LRRTM4: variants seen among roughly 807,000 people sequenced by gnomAD.
The protein encoded by LRRTM4 is leucine rich repeat transmembrane neuronal 4.
Under a neutral mutation model 47.6 loss-of-function variants are expected in LRRTM4, and 25 were observed. That is an observed-to-expected ratio of 0.53 (90% CI 0.38 to 0.73). The LOEUF (loss-of-function observed/expected upper bound fraction) is 0.73. Ranked by LOEUF, LRRTM4 falls within the 30% of genes least tolerant of loss-of-function variation. The pLI, the probability that LRRTM4 is intolerant of heterozygous loss-of-function variation, is 0.00. For synonymous variants in LRRTM4, 311 were observed against 269.5 expected, an observed-to-expected ratio of 1.15 and a Z score of -1.51; for missense variants, 638 against 713.4, an observed-to-expected ratio of 0.89 and a Z score of 1.20.
chr2:77,287,328 T>C (rs1284752464), intron 3 of LRRTM4, among the ~76,000 whole-genome samples: 2 of 152,078 alleles, frequency 1.3e-5, no homozygotes, highest in South Asian at 2.1e-4. Context: ...CAACAGGAAT[T>C]ATAGTAAAAA....
At chr2:77,050,117 T>C (rs1679379640) in intron 3 of LRRTM4, among the ~76,000 whole-genome samples, 1 of 150,088 alleles carries the variant, frequency 6.7e-6, no homozygotes, top group Non-Finnish European at 1.5e-5. Flanking sequence ...TGTGTTTTGT[T>C]AGAACCAAGT....
chr2:77,205,425 C>T (rs184941428), intron 3 of LRRTM4, among the ~76,000 whole-genome samples: 2 of 152,252 alleles, frequency 1.3e-5, no homozygotes, highest in East Asian at 1.9e-4. Context: ...GAGGACATGG[C>T]ATCTTTCAGA....
chr2:76,970,213 T>C (rs558297665), intron 3 of LRRTM4, among the ~76,000 whole-genome samples: 47 of 152,090 alleles, frequency 3.1e-4, no homozygotes, highest in Non-Finnish European at 6.2e-4. Context: ...GTGTACAGGG[T>C]AAAACGGATA....
chr2:77,452,667 C>T (rs181521588), intron 3 of LRRTM4, among the ~76,000 whole-genome samples: 3 of 152,096 alleles, frequency 2.0e-5, no homozygotes, highest in East Asian at 1.9e-4. Context: ...ATTCTTAATA[C>T]TTTTTTTTAA....
At chr2:76,906,852 C>A (rs951824594) in intron 3 of LRRTM4, among the ~76,000 whole-genome samples, 1 of 150,190 alleles carries the variant, frequency 6.7e-6, no homozygotes, top group African/African-American at 2.5e-5. Context: ...TAAAGCAAGT[C>A]CTGAGTGACC....
intron 3 of LRRTM4, among the ~76,000 whole-genome samples, chr2:77,360,500 ACGATACGAT>A: frequency 6.7e-6 from 1 of 149,630 alleles, no homozygotes; most frequent in African/African-American, 2.5e-5. Context: ...ACGATACGAT[ACGATACGAT>A]ACGATACGAT....
intron 3 of LRRTM4, among the ~76,000 whole-genome samples, chr2:77,354,076 G>A (rs1370634263): frequency 6.6e-6 from 1 of 152,110 alleles, no homozygotes; most frequent in East Asian, 1.9e-4. Flanking sequence ...ACAATTTCTG[G>A]AAAAGGAGTG....
chr2:76,801,425 A>G (rs915397206), intron 3 of LRRTM4, among the ~76,000 whole-genome samples: 8 of 152,042 alleles, frequency 5.3e-5, no homozygotes, highest in African/African-American at 1.9e-4. Flanking sequence ...CAAAAAACCA[A>G]ACAGCGCATA....
At chr2:76,847,070 A>G (rs936684090) in intron 3 of LRRTM4, among the ~76,000 whole-genome samples, 2 of 152,208 alleles carry the variant, frequency 1.3e-5, no homozygotes, top group Non-Finnish European at 2.9e-5. Context: ...GATAGATTAG[A>G]TATCAAGAAC....
chr2:77,090,827 G>C (rs547144619), intron 3 of LRRTM4, among the ~76,000 whole-genome samples: 27 of 152,266 alleles, frequency 1.8e-4, no homozygotes, highest in African/African-American at 6.5e-4. Flanking sequence ...CTCCTCCTCG[G>C]CTTAGCAGCT....
At chr2:76,965,239 T>C (rs1294419555) in intron 3 of LRRTM4, among the ~76,000 whole-genome samples, 1 of 151,170 alleles carries the variant, frequency 6.6e-6, no homozygotes, top group Non-Finnish European at 1.5e-5. Flanking sequence ...TAAGATATTA[T>C]AGAAGAGTGA....
At chr2:77,517,420 G>T in intron 3 of LRRTM4, 1 of 984,370 alleles carries the variant, frequency 1.0e-6, no homozygotes, top group Non-Finnish European at 1.2e-6. Flanking sequence ...CATTTCTTTT[G>T]GGGATGACAG....
At chr2:77,119,908 T>C (rs2103953178) in intron 3 of LRRTM4, among the ~76,000 whole-genome samples, 1 of 151,834 alleles carries the variant, frequency 6.6e-6, no homozygotes, top group Middle Eastern at 3.4e-3. Context: ...GAAGAGTGTA[T>C]ATTAATAGGA....
At chr2:77,039,950 G>A (rs1000575294) in intron 3 of LRRTM4, among the ~76,000 whole-genome samples, 2 of 150,920 alleles carry the variant, frequency 1.3e-5, no homozygotes, top group Admixed American at 6.6e-5. Context: ...TTTCTTAGCT[G>A]TTAATTACTT....
intron 3 of LRRTM4, among the ~76,000 whole-genome samples, chr2:77,041,940 G>T (rs1650532209): frequency 6.6e-6 from 1 of 150,912 alleles, no homozygotes; most frequent in Non-Finnish European, 1.5e-5. Flanking sequence ...AGAATCATCT[G>T]AATACACTTT....
At chr2:77,090,686 T>C in intron 3 of LRRTM4, among the ~76,000 whole-genome samples, 1 of 152,124 alleles carries the variant, frequency 6.6e-6, no homozygotes, top group Non-Finnish European at 1.5e-5. Flanking sequence ...GGCCAAGGAA[T>C]GTCTGCAGCC....
intron 3 of LRRTM4, among the ~76,000 whole-genome samples, chr2:77,371,408 C>T (rs1023006409): frequency 6.6e-6 from 1 of 151,744 alleles, no homozygotes; most frequent in African/African-American, 2.4e-5. Context: ...TTCCCTTCCT[C>T]AAAATTTCAG....
chr2:77,030,044 A>C (rs1678599107), intron 3 of LRRTM4, among the ~76,000 whole-genome samples: 1 of 152,252 alleles, frequency 6.6e-6, no homozygotes, highest in Admixed American at 6.5e-5. Flanking sequence ...ACTTCTTTTA[A>C]AAATTTTGTC....
chr2:77,217,682 TA>T (rs1220224571), intron 3 of LRRTM4, among the ~76,000 whole-genome samples: 1 of 151,662 alleles, frequency 6.6e-6, no homozygotes. Context: ...CTTTATTTTC[TA>T]AGTTCTTGCA....
Sources: allele counts gnomAD v4.1 joint callset (sites outside exome capture counted in the v4.1 genomes callset), GRCh38; gene constraint gnomAD v4.1.1; transcripts MANE v1.5; gene names NCBI Gene and HGNC (gene_info 2026-07-23, HGNC 2026-07-21).